Variants in CACNA1D observed in about 807,000 individuals in gnomAD.
CACNA1D encodes the protein calcium voltage-gated channel subunit alpha1 D.
A neutral mutation model predicts 257.1 loss-of-function variants in CACNA1D; 55 were observed. The observed-to-expected ratio is 0.21, with a 90% CI of 0.17 to 0.27. The LOEUF (loss-of-function observed/expected upper bound fraction) is 0.27, where lower values mean the gene tolerates loss of function less well. Among genes scored for constraint, CACNA1D ranks in the 10% least tolerant of loss-of-function variants. CACNA1D has a pLI of 1.00. For synonymous variants in CACNA1D, 980 were observed against 1,014.9 expected (o/e 0.97, Z 0.65); for missense variants, 1,876 against 2,784.0 (o/e 0.67, Z 7.34).
At chr3:53,644,189 AT>A (rs1331606768) in intron 3 of CACNA1D, among the ~76,000 whole-genome samples, 1 of 152,228 alleles carries the variant, frequency 6.6e-6, no homozygotes. Context: ...TAAAGAGGCA[AT>A]TTTTAAAAAT....
intron 15 of CACNA1D, among the ~76,000 whole-genome samples, chr3:53,730,010 C>T (rs1448195405): frequency 2.0e-5 from 3 of 152,062 alleles, no homozygotes; most frequent in Admixed American, 6.5e-5. Flanking sequence ...TTGGAAAGCA[C>T]TCCCCTGAAT....
chr3:53,515,615 C>T (rs540012480), intron 3 of CACNA1D, among the ~76,000 whole-genome samples: 3 of 152,172 alleles, frequency 2.0e-5, no homozygotes, highest in South Asian at 2.1e-4. Flanking sequence ...CTGTGTTCCT[C>T]GTGTCATGGA....
chr3:53,719,214 T>C (rs996441623), intron 10 of CACNA1D, among the ~76,000 whole-genome samples: 1 of 152,236 alleles, frequency 6.6e-6, no homozygotes, highest in Non-Finnish European at 1.5e-5. Flanking sequence ...TGATGTGTTA[T>C]GGGCAGAATA....
At position 53,798,322 on chromosome 3, in the gene CACNA1D, TGTGTGC is replaced by T. The variant is rs1388215500; in HGVS notation, c.4924-1921_4924-1916del. On this transcript the variant is annotated intron_variant, in intron 40 of 47. Coordinates refer to ENST00000350061, the MANE Select transcript of CACNA1D (RefSeq NM_001128840.3). ...GTGTATGTGTGCGTGTGTGTGTGTGTGTGTGCGTGTGTGTGCGTGTGTGTGTGCACG... is the reference window on the plus strand; with the variant it reads ...GTGTATGTGTGCGTGTGTGTGTGTGTGTGTGTGTGCGTGTGTGTGTGCACG... 9.8e-3 allele frequency among the ~76,000 whole-genome samples: 1,420 copies of T among 144,176 alleles called. 19 individuals are homozygous for T. Among genetic ancestry groups the T allele is most frequent in the African/African-American group, 0.034 (1,313 of 38,906 alleles). 94.6% of individuals were successfully genotyped at this position (144,176 alleles called of 152,430 possible). A position where few individuals can be genotyped will look rare whatever the true frequency, so the allele number is the denominator to read the frequency against.
chr3:53,665,592 G>A (rs1445929925), intron 5 of CACNA1D, 68 bp from the exon 6 acceptor site: 1 of 1,209,888 alleles, frequency 8.3e-7, no homozygotes, highest in Non-Finnish European at 1.2e-6. Context: ...GCATGGTTAG[G>A]AATTATATAT....
intron 3 of CACNA1D, among the ~76,000 whole-genome samples, chr3:53,587,628 A>G (rs2093241074): frequency 6.6e-6 from 1 of 152,210 alleles, no homozygotes; most frequent in Non-Finnish European, 1.5e-5. Context: ...AAAGTGAATA[A>G]CTGGAATAGT....
chr3:53,800,676 CCCT>C lies in CACNA1D; in HGVS notation c.5040+318_5040+320del, dbSNP rs969565197. Reference sequence around the variant, plus strand: ...GTCCTTCCGGCAGCTGCCTTTGCTACCCTCCTCCTTCCCGGGCCAGCTCTTTGA... The same window carrying C: ...GTCCTTCCGGCAGCTGCCTTTGCTACCCTCCTTCCCGGGCCAGCTCTTTGA... On this transcript the variant is annotated intron_variant, in intron 41 of 47. Transcript: ENST00000350061. This position sits in a 1 kb window ranked among gnomAD's most constrained non-coding sequence, Gnocchi z 4.3. 6 of 497,634 alleles carry C rather than the reference CCCT, an allele frequency of 1.2e-5. No homozygotes were observed. The highest frequency in any genetic ancestry group is 9.7e-5 in the African/African-American group (5 of 51,708). The allele number at this position is 497,634 out of a possible 1,614,324, so 30.8% of individuals were successfully genotyped here.
intron 3 of CACNA1D, among the ~76,000 whole-genome samples, chr3:53,626,294 T>C (rs745869031): frequency 1.3e-5 from 2 of 152,168 alleles, no homozygotes; most frequent in Non-Finnish European, 2.9e-5. Context: ...TTCCTGGTCA[T>C]GCTGATCTGG....
intron 9 of CACNA1D, among the ~76,000 whole-genome samples, chr3:53,714,714 T>G (rs1576438404): frequency 6.6e-6 from 1 of 152,208 alleles, no homozygotes; most frequent in African/African-American, 2.4e-5. Context: ...TTGAAAAGAA[T>G]GGTGAGTGGA....
chr3:53,771,725 C>A (rs1231616311), intron 32 of CACNA1D, among the ~76,000 whole-genome samples: 1 of 152,252 alleles, frequency 6.6e-6, no homozygotes, highest in East Asian at 1.9e-4. Flanking sequence ...CTTAAAGATT[C>A]AATTTGCCAC....
chr3:53,717,338 A>G (rs970728539), intron 9 of CACNA1D, among the ~76,000 whole-genome samples: 1 of 152,096 alleles, frequency 6.6e-6, no homozygotes, highest in East Asian at 1.9e-4. Flanking sequence ...CCTCACCCCT[A>G]TTCCAGGTGG....
chr3:53,686,593 T>TA (rs1332032182), intron 8 of CACNA1D, among the ~76,000 whole-genome samples: 1 of 152,052 alleles, frequency 6.6e-6, no homozygotes, highest in Non-Finnish European at 1.5e-5. Flanking sequence ...ATCACCTCAG[T>TA]AAATGCAGAC....
intron 4 of CACNA1D, among the ~76,000 whole-genome samples, chr3:53,652,106 G>A (rs762984586): frequency 1.3e-5 from 2 of 152,134 alleles, no homozygotes; most frequent in Non-Finnish European, 2.9e-5. Flanking sequence ...GATATGTGCC[G>A]TACTTTCCTG....
At chr3:53,703,741 G>A (rs555115796) in intron 9 of CACNA1D, among the ~76,000 whole-genome samples, 2 of 152,310 alleles carry the variant, frequency 1.3e-5, no homozygotes, top group East Asian at 1.9e-4. Context: ...TGAGCAGAGC[G>A]CCTTGGATGT....
intron 3 of CACNA1D, among the ~76,000 whole-genome samples, chr3:53,516,851 A>G (rs1056178400): frequency 6.6e-6 from 1 of 152,200 alleles, no homozygotes. Flanking sequence ...GTTAACTTAA[A>G]TGACTCTTTG....
chr3:53,684,621 C>CAAAAAAAA (rs60026644), intron 8 of CACNA1D, among the ~76,000 whole-genome samples: 2 of 84,526 alleles, frequency 2.4e-5, no homozygotes, highest in Non-Finnish European at 4.7e-5. Context: ...GAAACTCTGT[C>CAAAAAAAA]AAAAAAAAAA....
intron 4 of CACNA1D, among the ~76,000 whole-genome samples, chr3:53,655,605 A>G (rs982047696): frequency 6.6e-6 from 1 of 152,150 alleles, no homozygotes; most frequent in Non-Finnish European, 1.5e-5. Flanking sequence ...GACCACATGT[A>G]TGTCTTTTGA....
At chr3:53,786,281 A>G (rs563361287) in intron 39 of CACNA1D, 4 of 161,852 alleles carry the variant, frequency 2.5e-5, no homozygotes, top group Non-Finnish European at 5.4e-5. Context: ...GGTGGAGAAT[A>G]GGGGGCGGGG....
At chr3:53,790,252 T>C (rs1346187564) in intron 40 of CACNA1D, among the ~76,000 whole-genome samples, 1 of 152,098 alleles carries the variant, frequency 6.6e-6, no homozygotes, top group Non-Finnish European at 1.5e-5. Flanking sequence ...AAATTCTCAG[T>C]CCTCCTCCCA....
Sources: gnomAD v4.1 joint callset for allele counts (sites outside exome capture counted in the v4.1 genomes callset) on GRCh38, gnomAD v4.1.1 for gene constraint, Gnocchi (gnomAD v3.1) non-coding constraint, MANE v1.5 for transcripts, NCBI Gene and HGNC (gene_info 2026-07-23, HGNC 2026-07-21) for gene names.